The following ZBED6 variants were observed in gnomAD, a reference collection of about 807,000 sequenced individuals.
The protein encoded by ZBED6 is zinc finger BED-type containing 6.
ZBED6 carries 40 observed loss-of-function variants against 58.4 expected under a neutral mutation model. The ratio of observed to expected loss-of-function variants is 0.68; its 90% CI spans 0.53 to 0.89. The LOEUF (loss-of-function observed/expected upper bound fraction) is 0.89. ZBED6 is among the 40% of genes least tolerant of loss of function. The probability of loss-of-function intolerance (pLI) is 0.00; values close to 1 mark genes in which losing one functional copy is unlikely to be tolerated. For missense variants in ZBED6, 1,057 were observed against 1,003.9 expected, an observed-to-expected ratio of 1.05 and a Z score of -0.71; for synonymous variants, 439 against 350.6, an observed-to-expected ratio of 1.25 and a Z score of -2.82.
At chr1:203,842,577 T>C (rs982791282) in intron 11 of ZBED6, among the ~76,000 whole-genome samples, 1 of 132,894 alleles carries the variant, frequency 7.5e-6, no homozygotes, top group African/African-American at 2.8e-5. Context: ...TTCACAACTT[T>C]GGTGGCATCA....
At chr1:203,830,942 T>A (rs1682103023) in intron 7 of ZBED6, among the ~76,000 whole-genome samples, 1 of 119,222 alleles carries the variant, frequency 8.4e-6, no homozygotes, top group African/African-American at 3.9e-5. Context: ...TTTTTTTTTT[T>A]TTTTTTTTTT....
At position 203,851,258 on chromosome 1, in the gene ZBED6, G is replaced by A. The variant is rs1689181154; in HGVS notation, c.*4873+134G>A. The A allele has an allele frequency of 6.2e-6, 5 of 802,590 alleles. No homozygotes were observed. The East Asian group carries it at 1.3e-4, about 21-fold the overall frequency. 49.7% of individuals were successfully genotyped at this position (802,590 alleles called of 1,614,324 possible). ...TGCACTTCAAATTAATTGCAAGAAA[G>A]TATGAAAATCTAGGGTTGCTGTTCT... On this transcript the variant is annotated intron_variant, in intron 16 of 16. Transcript: ENST00000550078.
At chr1:203,804,833 C>T (rs182674363) in intron 1 of ZBED6, among the ~76,000 whole-genome samples, 72 of 151,720 alleles carry the variant, frequency 4.7e-4, no homozygotes, top group African/African-American at 1.5e-3. Flanking sequence ...CCACCATGCC[C>T]GGCTGATTTT....
At chr1:203,836,456 A>C (rs755044381) in intron 9 of ZBED6, among the ~76,000 whole-genome samples, 1 of 152,206 alleles carries the variant, frequency 6.6e-6, no homozygotes, top group Non-Finnish European at 1.5e-5. Context: ...GAACAGTGTA[A>C]TAAAACTAGA....
exon 1 of ZBED6, chr1:203,798,844 C>T (rs1336343951): frequency 2.0e-6 from 3 of 1,535,964 alleles, no homozygotes; most frequent in African/African-American, 1.4e-5. Context: ...CAGATTGTGG[C>T]CCCTGATTAT....
At chr1:203,834,587 G>C (rs773171701) in intron 9 of ZBED6, among the ~76,000 whole-genome samples, 4 of 152,040 alleles carry the variant, frequency 2.6e-5, no homozygotes, top group Admixed American at 6.6e-5. Flanking sequence ...TTTATTTTTG[G>C]GGGAGTACTT....
chr1:203,797,771 A>C (rs1669087882), exon 1 of ZBED6: 4 of 1,535,808 alleles, frequency 2.6e-6, no homozygotes, highest in Non-Finnish European at 1.7e-6. Context: ...TTCTTGCCAA[A>C]AAGTTTAGTA....
chr1:203,816,393 G>T (rs1676386569), intron 1 of ZBED6, among the ~76,000 whole-genome samples: 1 of 152,330 alleles, frequency 6.6e-6, no homozygotes, highest in Middle Eastern at 3.4e-3. Flanking sequence ...GGGAGGCCAA[G>T]TGAGGAGGAT....
At chr1:203,817,828 CTGT>C (rs1676874939) in intron 2 of ZBED6, among the ~76,000 whole-genome samples, 1 of 151,958 alleles carries the variant, frequency 6.6e-6, no homozygotes, top group Non-Finnish European at 1.5e-5. Flanking sequence ...TCTTGGCTTA[CTGT>C]AACCTCCGCC....
exon 1 of ZBED6, chr1:203,796,435 TC>T (rs1377260224): frequency 1.0e-5 from 4 of 398,930 alleles, no homozygotes; most frequent in Admixed American, 4.4e-5. Context: ...CAGGGACACT[TC>T]CGTTCTCCTT....
At chr1:203,842,106 A>C (rs1376689835) in intron 11 of ZBED6, among the ~76,000 whole-genome samples, 1 of 144,804 alleles carries the variant, frequency 6.9e-6, no homozygotes, top group Non-Finnish European at 1.5e-5. Flanking sequence ...GGCGCTCCTC[A>C]CTTCCCAGAC....
At chr1:203,821,422 AT>A (rs1463777461) in intron 3 of ZBED6, among the ~76,000 whole-genome samples, 2 of 152,024 alleles carry the variant, frequency 1.3e-5, no homozygotes, top group Non-Finnish European at 2.9e-5. Flanking sequence ...CTCTGTTACT[AT>A]CATTACTTTT....
intron 14 of ZBED6, 128 bp from the exon 15 acceptor site, chr1:203,850,387 G>A (rs975808927): frequency 7.1e-7 from 1 of 1,413,306 alleles, no homozygotes; most frequent in African/African-American, 1.4e-5. Context: ...ATCGTTTTCA[G>A]TCTCTTTTTA....
exon 1 of ZBED6, chr1:203,798,339 T>C: frequency 6.5e-7 from 1 of 1,536,130 alleles, no homozygotes; most frequent in Non-Finnish European, 8.7e-7. Flanking sequence ...TTGGAATTTT[T>C]TTTACACTGA....
chr1:203,804,406 C>T (rs1160793412), intron 1 of ZBED6, among the ~76,000 whole-genome samples: 8 of 151,930 alleles, frequency 5.3e-5, no homozygotes, highest in African/African-American at 1.9e-4. Context: ...CCCGCCTCGG[C>T]CTCCCAAAGT....
chr1:203,850,087 T>C, intron 14 of ZBED6, 61 bp downstream of exon 14: 1 of 1,512,866 alleles, frequency 6.6e-7, no homozygotes, highest in East Asian at 2.3e-5. Flanking sequence ...TCAACCCAAT[T>C]GTTGCCAGTA....
exon 1 of ZBED6, chr1:203,800,043 G>A (rs962703750): frequency 4.5e-5 from 69 of 1,535,962 alleles, no homozygotes; most frequent in African/African-American, 1.6e-4. Flanking sequence ...CTCCAGTTCA[G>A]GTTCTGTTGA....
chr1:203,796,557 C>A, exon 1 of ZBED6: 1 of 398,586 alleles, frequency 2.5e-6, no homozygotes, highest in South Asian at 1.3e-4. Context: ...GGTTCTGGAC[C>A]TTGAGAAAGA....
chr1:203,820,300 C>A (rs943786959), intron 3 of ZBED6, among the ~76,000 whole-genome samples: 1 of 151,770 alleles, frequency 6.6e-6, no homozygotes, highest in African/African-American at 2.4e-5. Context: ...GTTTTGTCTC[C>A]TTCTGTTGAG....
Sources: allele counts gnomAD v4.1 joint callset (sites outside exome capture counted in the v4.1 genomes callset), GRCh38; gene constraint gnomAD v4.1.1; transcripts MANE v1.5; gene names NCBI Gene and HGNC (gene_info 2026-07-23, HGNC 2026-07-21).